Variants in PRICKLE1 observed in about 807,000 individuals in gnomAD.
PRICKLE1 encodes the protein prickle planar cell polarity protein 1, also known as prickle-like protein 1.
Under a neutral mutation model 70.2 loss-of-function variants are expected in PRICKLE1, and 14 were observed. The ratio of observed to expected loss-of-function variants is 0.20; its 90% CI spans 0.13 to 0.31. The LOEUF is 0.31. PRICKLE1 is among the 10% of genes least tolerant of loss of function. The pLI is 1.00. For synonymous variants in PRICKLE1, 357 were observed against 379.9 expected (o/e 0.94, Z 0.70); for missense variants, 821 against 1,026.2 (o/e 0.80, Z 2.73).
At chr12:42,468,509 A>C (rs1938189066) in intron 5 of PRICKLE1, 117 bp downstream of exon 5, 1 of 919,050 alleles carries the variant, frequency 1.1e-6, no homozygotes, top group African/African-American at 1.6e-5. Flanking sequence ...TTATGTTTAA[A>C]ACATGCACAC....
At chr12:42,471,325 T>C (rs1260889067) in intron 2 of PRICKLE1, among the ~76,000 whole-genome samples, 4 of 152,044 alleles carry the variant, frequency 2.6e-5, no homozygotes, top group African/African-American at 9.7e-5. Context: ...CTGCAAAGGA[T>C]ACTGCAGAGC....
At chr12:42,465,563 T>G in intron 6 of PRICKLE1, 1 of 383,286 alleles carries the variant, frequency 2.6e-6, no homozygotes. Context: ...GCTTTTTGTT[T>G]CAGCTCTCAT....
intron 1 of PRICKLE1, among the ~76,000 whole-genome samples, chr12:42,512,319 C>T (rs978596138): frequency 3.4e-5 from 5 of 147,932 alleles, no homozygotes; most frequent in African/African-American, 4.9e-5. Flanking sequence ...TACAGGTGTG[C>T]GGCACCATGC....
At chr12:42,507,549 C>A (rs1283331632) in intron 1 of PRICKLE1, among the ~76,000 whole-genome samples, 3 of 152,210 alleles carry the variant, frequency 2.0e-5, no homozygotes, top group Admixed American at 6.5e-5. Context: ...AGTTCTATAG[C>A]TTTTCACTTG....
At chr12:42,529,572 G>A (rs1226052507) in intron 1 of PRICKLE1, among the ~76,000 whole-genome samples, 2 of 152,164 alleles carry the variant, frequency 1.3e-5, no homozygotes, top group East Asian at 3.9e-4. Flanking sequence ...CTTAGTGAGG[G>A]CAGGGTTGAT....
chr12:42,473,034 A>G (rs1042174322), intron 1 of PRICKLE1, among the ~76,000 whole-genome samples: 5 of 152,216 alleles, frequency 3.3e-5, no homozygotes, highest in African/African-American at 1.2e-4. Context: ...AATTTTTCCA[A>G]CTGAGGCAGT....
chr12:42,464,643 C>T lies in PRICKLE1; in HGVS notation c.1391G>A (p.Ser464Asn), dbSNP rs138568653. The T allele has an allele frequency of 5.6e-6, 9 of 1,614,028 alleles. No individual in the cohort carries two copies. The African/African-American group carries it at 1.1e-4, about 19-fold the overall frequency. Reference protein sequence around the residue: ...ELKQNNQSLASKKYQSDMYWA... With the variant: ...ELKQNNQSLANKKYQSDMYWA... Reference sequence around the variant, plus strand: ...GTACATATCAGACTGGTATTTTTTACTTGCAAGGCTCTGGTTATTTTGCTT... The same window carrying T: ...GTACATATCAGACTGGTATTTTTTATTTGCAAGGCTCTGGTTATTTTGCTT... The change falls in exon 7 of 8, where the codon AGT becomes AAT. Residue 464 changes from serine (S) to asparagine (N), a missense_variant. Physicochemically the swap from Ser to Asn is conservative, Grantham distance 46. Transcript: ENST00000345127. This position sits in a 1 kb window ranked among gnomAD's most constrained non-coding sequence, Gnocchi z 4.2.
chr12:42,499,725 A>AATTTATTT (rs3086550), intron 1 of PRICKLE1, among the ~76,000 whole-genome samples: 1 of 143,998 alleles, frequency 6.9e-6, no homozygotes, highest in Non-Finnish European at 1.5e-5. Flanking sequence ...CTGGCCTAGA[A>AATTTATTT]ATTTATTTAT....
At chr12:42,509,034 T>G (rs1939467315) in intron 1 of PRICKLE1, among the ~76,000 whole-genome samples, 1 of 152,024 alleles carries the variant, frequency 6.6e-6, no homozygotes. Flanking sequence ...CACCCCAGAG[T>G]GATGAAGTAG....
At chr12:42,552,489 A>C (rs562587634) in intron 1 of PRICKLE1, among the ~76,000 whole-genome samples, 1 of 152,364 alleles carries the variant, frequency 6.6e-6, no homozygotes, top group East Asian at 1.9e-4. Flanking sequence ...CCCCGAACAG[A>C]GCAAGTGCTC....
intron 1 of PRICKLE1, among the ~76,000 whole-genome samples, chr12:42,532,625 C>T (rs935091094): frequency 2.6e-5 from 4 of 152,182 alleles, no homozygotes; most frequent in African/African-American, 9.6e-5. Context: ...CGGCCGGGCG[C>T]GGTGGCTCAC....
chr12:42,575,703 T>TA (rs1016128715), intron 1 of PRICKLE1, among the ~76,000 whole-genome samples: 90 of 144,834 alleles, frequency 6.2e-4, no homozygotes, highest in East Asian at 2.2e-3. Flanking sequence ...CAAAAAAAAA[T>TA]AAAAAAAAAA....
At chr12:42,539,819 T>C (rs919242972) in intron 1 of PRICKLE1, among the ~76,000 whole-genome samples, 21 of 152,238 alleles carry the variant, frequency 1.4e-4, no homozygotes, top group African/African-American at 4.8e-4. Context: ...AAAGTTTTAT[T>C]AATGCACAAG....
chr12:42,473,435 G>C (rs535599155), intron 1 of PRICKLE1, among the ~76,000 whole-genome samples: 1 of 152,172 alleles, frequency 6.6e-6, no homozygotes, highest in African/African-American at 2.4e-5. Context: ...TGGATGAAGG[G>C]CTATAAAAGT....
intron 1 of PRICKLE1, among the ~76,000 whole-genome samples, chr12:42,518,192 C>T (rs1359432926): frequency 6.6e-6 from 1 of 151,882 alleles, no homozygotes; most frequent in Non-Finnish European, 1.5e-5. Context: ...CACAGGCATG[C>T]ACCACCATCC....
chr12:42,520,505 C>T (rs933064307), intron 1 of PRICKLE1, among the ~76,000 whole-genome samples: 11 of 152,114 alleles, frequency 7.2e-5, no homozygotes, highest in Admixed American at 1.3e-4. Context: ...CACTGAGTTG[C>T]GATGGGGATT....
chr12:42,515,112 T>A (rs2120425394), intron 1 of PRICKLE1, among the ~76,000 whole-genome samples: 1 of 151,928 alleles, frequency 6.6e-6, no homozygotes, highest in Non-Finnish European at 1.5e-5. Flanking sequence ...TGGAGATGGG[T>A]TTGCATCATG....
intron 1 of PRICKLE1, among the ~76,000 whole-genome samples, chr12:42,516,354 G>A (rs1351852920): frequency 2.6e-5 from 4 of 151,900 alleles, no homozygotes; most frequent in Non-Finnish European, 5.9e-5. Context: ...GGATGGTCTC[G>A]ATCTCCTGAC....
chr12:42,576,654 G>A (rs189967429), intron 1 of PRICKLE1, among the ~76,000 whole-genome samples: 3 of 152,242 alleles, frequency 2.0e-5, no homozygotes, highest in African/African-American at 7.2e-5. Flanking sequence ...AGTCACTTAT[G>A]AATCTTCTGG....
Sources: allele counts gnomAD v4.1 joint callset (sites outside exome capture counted in the v4.1 genomes callset), GRCh38; gene constraint gnomAD v4.1.1; non-coding constraint Gnocchi (gnomAD v3.1); transcripts MANE v1.5; gene names NCBI Gene and HGNC (gene_info 2026-07-23, HGNC 2026-07-21).